Variants in DOCK8 observed in about 807,000 individuals in gnomAD.
DOCK8 encodes dedicator of cytokinesis 8, also known as dedicator of cytokinesis protein 8.
In DOCK8, 141 loss-of-function variants were observed where a neutral mutation model predicts 245.6. That is an observed-to-expected ratio of 0.57 (90% CI 0.50 to 0.66). The LOEUF (loss-of-function observed/expected upper bound fraction) is 0.66. Among genes scored for constraint, DOCK8 ranks in the 30% least tolerant of loss-of-function variants. DOCK8 has a pLI of 0.00. For synonymous variants in DOCK8, 1,168 were observed against 970.2 expected (o/e 1.20, Z -3.79); for missense variants, 2,965 against 2,603.4 (o/e 1.14, Z -3.02).
chr9:257,973 A>G (rs492887), intron 1 of DOCK8, among the ~76,000 whole-genome samples: 73,619 of 152,074 alleles, frequency 0.48, 18,235 homozygotes, highest in East Asian at 0.8. Context: ...TGCAATAGAG[A>G]GTGTGCATGA....
chr9:356,344 C>A (rs531112335), intron 14 of DOCK8, among the ~76,000 whole-genome samples: 3 of 152,062 alleles, frequency 2.0e-5, no homozygotes, highest in African/African-American at 7.2e-5. Context: ...CTGGCTAACA[C>A]AGTGAAACCC....
At chr9:359,285 T>C (rs2052606810) in intron 14 of DOCK8, among the ~76,000 whole-genome samples, 1 of 152,208 alleles carries the variant, frequency 6.6e-6, no homozygotes, top group African/African-American at 2.4e-5. Flanking sequence ...GAGAGATTGT[T>C]TACTTCAGAG....
At chr9:441,731 A>T in intron 41 of DOCK8, 144 bp from the exon 42 acceptor site, 2 of 1,094,418 alleles carry the variant, frequency 1.8e-6, no homozygotes. Context: ...TAAGCATTAA[A>T]TTTTTTTAAG....
chr9:335,639 T>C (rs757451309), intron 11 of DOCK8, among the ~76,000 whole-genome samples: 3 of 152,108 alleles, frequency 2.0e-5, no homozygotes, highest in Admixed American at 1.3e-4. Context: ...ATAAGAGTTA[T>C]GTATAGAGCT....
intron 5 of DOCK8, 34 bp from the exon 6 acceptor site, chr9:311,920 C>G: frequency 6.2e-7 from 1 of 1,610,230 alleles, no homozygotes. Flanking sequence ...GACTTGCCGT[C>G]TCTCTCACAA....
chr9:400,582 C>T (rs866646481), intron 26 of DOCK8, among the ~76,000 whole-genome samples: 2 of 88,416 alleles, frequency 2.3e-5, no homozygotes, highest in South Asian at 4.2e-4. Context: ...CCACCTCCAC[C>T]ATCACCACCA....
chr9:416,164 A>ACAAGCT (rs535728979), intron 29 of DOCK8, among the ~76,000 whole-genome samples: 1 of 152,188 alleles, frequency 6.6e-6, no homozygotes, highest in Non-Finnish European at 1.5e-5. Context: ...AATGATAGAA[A>ACAAGCT]CAAGCTCAGC....
At chr9:352,363 A>G (rs2052210862) in intron 14 of DOCK8, among the ~76,000 whole-genome samples, 1 of 152,064 alleles carries the variant, frequency 6.6e-6, no homozygotes, top group Admixed American at 6.6e-5. Flanking sequence ...ATTTTATGCA[A>G]CCTCTAACGT....
intron 1 of DOCK8, among the ~76,000 whole-genome samples, chr9:245,147 G>C (rs904620695): frequency 6.6e-6 from 1 of 152,074 alleles, no homozygotes; most frequent in African/African-American, 2.4e-5. Context: ...AGCTGTAGTT[G>C]TTTTCAGCCG....
chr9:390,456 G>T lies in DOCK8; in HGVS notation c.2875-15G>T. ...GCCTTTGTTTCACAGCCTAATTTTT[G>T]TGGTTCTTATTTAGCATTTCCATGA... On this transcript the variant is annotated splice_polypyrimidine_tract_variant and intron_variant, in intron 23 of 47. Coordinates refer to ENST00000432829, the MANE Select transcript of DOCK8 (RefSeq NM_203447.4). 1.2e-6 allele frequency: 2 copies of T among 1,611,806 alleles called. No individual in the cohort carries two copies. The highest frequency in any genetic ancestry group is 1.7e-6 in the Non-Finnish European group (2 of 1,177,848).
chr9:334,162 G>T, intron 10 of DOCK8, 63 bp from the exon 11 acceptor site: 1 of 1,590,814 alleles, frequency 6.3e-7, no homozygotes, highest in Non-Finnish European at 8.6e-7. Context: ...TCATATTCAG[G>T]TCAGAGGCAG....
upstream of DOCK8, among the ~76,000 whole-genome samples, chr9:211,615 TA>T (rs1465913017): frequency 3.3e-5 from 5 of 152,108 alleles, no homozygotes; most frequent in Admixed American, 6.6e-5. Context: ...AAGTGATATT[TA>T]TAAGAAATAA....
intron 2 of DOCK8, among the ~76,000 whole-genome samples, chr9:272,076 A>T (rs1365354390): frequency 2.6e-5 from 4 of 152,220 alleles, no homozygotes; most frequent in African/African-American, 9.7e-5. Context: ...TTGGAAAAGC[A>T]TATTCCAAAA....
chr9:313,562 T>G (rs549768131), intron 6 of DOCK8, among the ~76,000 whole-genome samples: 1 of 152,296 alleles, frequency 6.6e-6, no homozygotes, highest in Non-Finnish European at 1.5e-5. Context: ...TCTAAAAAAG[T>G]GGATCTCATA....
At chr9:408,598 A>T (rs890007101) in intron 28 of DOCK8, among the ~76,000 whole-genome samples, 2 of 152,250 alleles carry the variant, frequency 1.3e-5, no homozygotes, top group Non-Finnish European at 2.9e-5. Context: ...TTGAACACAA[A>T]GAAAATTGCC....
chr9:464,066 A>G (rs900317770), intron 47 of DOCK8, 93 bp from the exon 48 acceptor site: 3 of 1,073,596 alleles, frequency 2.8e-6, no homozygotes, highest in African/African-American at 1.6e-5. Context: ...CTACTGGGTG[A>G]TCCACCCCCA....
In DOCK8 at chr9:443,463, G is replaced by C. The variant is rs1410062569; in HGVS notation, c.5527G>C (p.Glu1843Gln). The change falls in exon 43 of 48, where the codon GAA (glutamate) becomes CAA (glutamine). Residue 1843 changes from glutamate (E) to glutamine (Q), a missense_variant. Physicochemically the swap from Glu to Gln is conservative, Grantham distance 29. This residue lies in a region of DOCK8 where 2,825 missense variants were observed against 2,453.5 expected (regional missense o/e 1.15). Transcript: ENST00000432829. ...YGQCFGAEFVEVIKDSTPVDK... is the reference protein window; with the variant it reads ...YGQCFGAEFVQVIKDSTPVDK... ...TCAATGTTTTGGTGCAGAATTTGTG[G>C]AAGTGATTAAAGACTCCACTCCTGT... 3 of 1,614,056 alleles carry C rather than the reference G, an allele frequency of 1.9e-6. No homozygotes were observed. The highest frequency in any genetic ancestry group is 2.5e-6 in the Non-Finnish European group (3 of 1,179,976).
intron 1 of DOCK8, among the ~76,000 whole-genome samples, chr9:247,309 C>A (rs1425631680): frequency 2.0e-5 from 3 of 152,132 alleles, no homozygotes; most frequent in Non-Finnish European, 4.4e-5. Flanking sequence ...ATCTATTTTA[C>A]TGCTTCCACA....
Position 336,729 on chromosome 9 carries a change from A to T in DOCK8, c.1422+11A>T. ...AGCTTTTTCAAGCAGGTATCTCTTC[A>T]CATTACAGTGTGTCTGGATTTTTCC... is the stretch of plus-strand genomic sequence containing the variant. On this transcript the variant is annotated intron_variant, in intron 12 of 47. Transcript: ENST00000432829. 1 of 1,613,886 alleles carries T rather than the reference A, an allele frequency of 6.2e-7. No homozygotes were observed. The highest frequency in any genetic ancestry group is 8.5e-7 in the Non-Finnish European group (1 of 1,179,872).
Sources: gnomAD v4.1 joint callset for allele counts (sites outside exome capture counted in the v4.1 genomes callset) on GRCh38, gnomAD v4.1.1 for gene constraint, gnomAD v4.1.1 regional missense constraint, MANE v1.5 for transcripts, NCBI Gene and HGNC (gene_info 2026-07-23, HGNC 2026-07-21) for gene names.